The following IL7R variants were observed in gnomAD, a reference collection of about 807,000 sequenced individuals.
IL7R encodes interleukin 7 receptor.
IL7R carries 38 observed loss-of-function variants against 47.0 expected under a neutral mutation model. That is an observed-to-expected ratio of 0.81 (90% CI 0.62 to 1.06). The LOEUF is 1.06. Among genes scored for constraint, IL7R ranks in the 50% least tolerant of loss-of-function variants. The pLI is 0.00. For missense variants in IL7R, 633 were observed against 534.8 expected (o/e 1.18, Z -1.81); for synonymous variants, 221 against 199.8 (o/e 1.11, Z -0.89).
At chr5:35,859,345 A>T (rs1759741024) in intron 1 of IL7R, among the ~76,000 whole-genome samples, 1 of 152,208 alleles carries the variant, frequency 6.6e-6, no homozygotes, top group African/African-American at 2.4e-5. Context: ...ATGTCAGGAC[A>T]GTGTGAGGAC....
At chr5:35,867,508 C>G in intron 3 of IL7R, 45 bp downstream of exon 3, 2 of 1,468,688 alleles carry the variant, frequency 1.4e-6, no homozygotes, top group Non-Finnish European at 1.9e-6. Flanking sequence ...TTTGGGCTAC[C>G]TGAAAACACT....
Position 35,874,199 on chromosome 5 carries a change from G to A in IL7R, c.707-250G>A, listed in dbSNP as rs190492923. On this transcript the variant is annotated intron_variant, in intron 5 of 7. Transcript: ENST00000303115. ...GGTAGAAAGTCAAGAAGGGAAGAGA[G>A]CATTGGTACCTTTGATGCTAGATCA... 1.1e-3 allele frequency among the ~76,000 whole-genome samples: 167 copies of A among 152,276 alleles called. 1 individual carries two copies. Among genetic ancestry groups the A allele is most frequent in the African/African-American group, 3.9e-3 (161 of 41,558 alleles).
At chr5:35,860,433 G>A (rs1195818518) in intron 1 of IL7R, among the ~76,000 whole-genome samples, 2 of 152,158 alleles carry the variant, frequency 1.3e-5, no homozygotes, top group Non-Finnish European at 2.9e-5. Context: ...TGAAAAGTGA[G>A]ATTAGGTAGC....
At position 35,876,113 on chromosome 5, in the gene IL7R, A is replaced by G. The variant is rs770237630; in HGVS notation, c.1007A>G (p.Glu336Gly). Residue 336 changes from glutamate (E) to glycine (G), a missense_variant, in exon 8 of 8, where the codon GAG (glutamate) becomes GGG (glycine). Glu to Gly is a moderately conservative substitution (Grantham distance 98). Transcript: ENST00000303115. ...DTFPQQLEES[E>G]KQRLGGDVQS... ...TTTCCTCAGCAACTAGAAGAATCTG[A>G]GAAGCAGAGGCTTGGAGGGGATGTG... 112 of 1,614,074 alleles carry G rather than the reference A, an allele frequency of 6.9e-5. No individual in the cohort carries two copies. In the Admixed American group the frequency reaches 1.9e-3, roughly 27 times the overall value.
Position 35,877,321 on chromosome 5 carries a change from C to G in IL7R, c.*835C>G, listed in dbSNP as rs1438112549. 1 of 233,048 alleles carries G rather than the reference C, an allele frequency of 4.3e-6. No individual in the cohort carries two copies. The highest frequency in any genetic ancestry group is 8.5e-6 in the Non-Finnish European group (1 of 118,006). 14.4% of individuals were successfully genotyped at this position (233,048 alleles called of 1,614,324 possible). ...TATGAGAAAGAAAGAGGGGGAGAAACAGTCTTGCGGGTGTGAAGTCCCATG... is the reference window on the plus strand; with the variant it reads ...TATGAGAAAGAAAGAGGGGGAGAAAGAGTCTTGCGGGTGTGAAGTCCCATG... On this transcript the variant is annotated 3_prime_UTR_variant, in exon 8 of 8. Transcript: ENST00000303115.
chr5:35,872,705 G>T (rs528529253), intron 4 of IL7R, among the ~76,000 whole-genome samples: 2 of 152,158 alleles, frequency 1.3e-5, no homozygotes, highest in South Asian at 4.1e-4. Flanking sequence ...ATTGAGACAT[G>T]CAACTACATA....
chr5:35,874,010 G>T (rs1173318950), intron 5 of IL7R, among the ~76,000 whole-genome samples: 1 of 152,176 alleles, frequency 6.6e-6, no homozygotes, highest in East Asian at 1.9e-4. Context: ...TTGGTGTCAG[G>T]TATGCAGGCA....
rs1280358856 is a variant in IL7R at position 35,876,137 on chromosome 5, T to C, written c.1031T>C (p.Val344Ala). ...GAGAAGCAGAGGCTTGGAGGGGATG[T>C]GCAGAGCCCCAACTGCCCATCTGAG... ...ESEKQRLGGD[V>A]QSPNCPSEDV... The change falls in exon 8 of 8, where the codon GTG becomes GCG. Residue 344 changes from valine (V) to alanine (A), a missense_variant. Val to Ala is a moderately conservative substitution (Grantham distance 64). Transcript: ENST00000303115. 2 of 1,614,144 alleles carry C rather than the reference T, an allele frequency of 1.2e-6. No homozygotes were observed. The highest frequency in any genetic ancestry group is 1.1e-5 in the South Asian group (1 of 91,082).
chr5:35,875,148 A>T (rs995486298), intron 6 of IL7R, among the ~76,000 whole-genome samples: 7 of 152,262 alleles, frequency 4.6e-5, no homozygotes, highest in Non-Finnish European at 1.0e-4. Context: ...AGAAATAAAA[A>T]GACAACACTT....
At chr5:35,875,294 G>A in intron 6 of IL7R, 1 of 601,462 alleles carries the variant, frequency 1.7e-6, no homozygotes, top group Non-Finnish European at 3.0e-6. Flanking sequence ...TCACAGAATG[G>A]ATTGATATCT....
At chr5:35,874,583 T>C (rs201451828) in intron 6 of IL7R, 41 bp downstream of exon 6, 40 of 1,370,812 alleles carry the variant, frequency 2.9e-5, no homozygotes, top group Non-Finnish European at 4.0e-5. Flanking sequence ...TTGTGTGGGA[T>C]CACGGACAGT....
At chr5:35,874,268 A>C (rs999710585) in intron 5 of IL7R, among the ~76,000 whole-genome samples, 181 bp from the exon 6 acceptor site, 5 of 152,318 alleles carry the variant, frequency 3.3e-5, no homozygotes, top group Admixed American at 1.3e-4. Flanking sequence ...TGGTCACCCA[A>C]GTCAATGCCT....
chr5:35,875,430 C>A (rs1760181425), intron 6 of IL7R, 82 bp from the exon 7 acceptor site: 1 of 977,832 alleles, frequency 1.0e-6, no homozygotes, highest in Non-Finnish European at 1.7e-6. Context: ...TCTTCTGATT[C>A]CAAGCTCAGA....
chr5:35,857,102 T>C (rs375397578), intron 1 of IL7R, 43 bp downstream of exon 1: 4 of 1,247,094 alleles, frequency 3.2e-6, no homozygotes, highest in Non-Finnish European at 4.7e-6. Flanking sequence ...GGATTATCTG[T>C]AGCATGGTTT....
Position 35,869,036 on chromosome 5 carries a change from A to C in IL7R, c.379+1573A>C, listed in dbSNP as rs3777091. Among the ~76,000 whole-genome samples, 39 of 152,174 alleles carry C rather than the reference A, an allele frequency of 2.6e-4. No homozygotes were observed. In the East Asian group the frequency reaches 6.4e-3, roughly 25 times the overall value. ...TGAGTCTCTTGGGGCTATGGCAAGC[A>C]CCCCTGGACAAGCAGGAAGAGAGGT... On this transcript the variant is annotated intron_variant, in intron 3 of 7. Coordinates refer to ENST00000303115, the MANE Select transcript of IL7R (RefSeq NM_002185.5).
chr5:35,863,376 T>C (rs1241885252), intron 2 of IL7R, among the ~76,000 whole-genome samples: 1 of 152,112 alleles, frequency 6.6e-6, no homozygotes, highest in Non-Finnish European at 1.5e-5. Context: ...TTTAACCTCC[T>C]GGCCAGCTCA....
intron 2 of IL7R, among the ~76,000 whole-genome samples, chr5:35,865,162 A>G (rs1759910577): frequency 6.6e-6 from 1 of 152,062 alleles, no homozygotes; most frequent in Non-Finnish European, 1.5e-5. Context: ...TCCTGTGTCC[A>G]AGTGCTCTTA....
rs1381144522 is a variant in IL7R at position 35,874,368 on chromosome 5, A to C, written c.707-81A>C. ...AAATAATAAGTGGGCCCACATTACT[A>C]AGTAAATGCAAAGCACCCTGAGACC... is the stretch of plus-strand genomic sequence containing the variant. On this transcript the variant is annotated intron_variant, in intron 5 of 7. Coordinates refer to ENST00000303115, the MANE Select transcript of IL7R (RefSeq NM_002185.5). 4.4e-6 allele frequency: 4 copies of C among 907,072 alleles called. No homozygotes were observed. In the African/African-American group the frequency reaches 6.5e-5, roughly 15 times the overall value. The allele number at this position is 907,072 out of a possible 1,614,324, so 56.2% of individuals were successfully genotyped here.
intron 2 of IL7R, among the ~76,000 whole-genome samples, chr5:35,864,087 C>T (rs1203920646): frequency 6.6e-6 from 1 of 152,062 alleles, no homozygotes; most frequent in Non-Finnish European, 1.5e-5. Flanking sequence ...TTCTATTACC[C>T]TTTGGTTTTT....
Sources: gnomAD v4.1 joint callset for allele counts (sites outside exome capture counted in the v4.1 genomes callset) on GRCh38, gnomAD v4.1.1 for gene constraint, MANE v1.5 for transcripts, NCBI Gene and HGNC (gene_info 2026-07-23, HGNC 2026-07-21) for gene names.